Variants in CLNK observed in about 807,000 individuals in gnomAD.
CLNK encodes the protein cytokine dependent hematopoietic cell linker.
Under a neutral mutation model 68.6 loss-of-function variants are expected in CLNK, and 74 were observed. That is an observed-to-expected ratio of 1.08 (90% confidence interval 0.89 to 1.31). The LOEUF is 1.31. Among genes scored for constraint, CLNK ranks in the 50% most tolerant of loss-of-function variants. The probability of loss-of-function intolerance (pLI) is 0.00; values close to 1 mark genes in which losing one functional copy is unlikely to be tolerated. For synonymous variants in CLNK, 198 were observed against 172.2 expected (o/e 1.15, Z -1.17); for missense variants, 553 against 515.3 (o/e 1.07, Z -0.71).
intron 3 of CLNK, among the ~76,000 whole-genome samples, chr4:10,589,412 G>A (rs1165198167): frequency 2.0e-5 from 3 of 152,248 alleles, no homozygotes; most frequent in Non-Finnish European, 1.5e-5. Flanking sequence ...ATCTGATCCA[G>A]TCTACCTCTC....
At chr4:10,703,218 G>A in the CLNK span, among the ~76,000 whole-genome samples, 4 of 152,164 alleles carry the variant, frequency 2.6e-5, no homozygotes, top group Non-Finnish European at 5.9e-5. Flanking sequence ...GGAGTCACAG[G>A]CTAACTACAC....
intron 2 of CLNK, among the ~76,000 whole-genome samples, chr4:10,619,384 T>C (rs1197718528): frequency 6.6e-6 from 1 of 152,158 alleles, no homozygotes; most frequent in Admixed American, 6.5e-5. Context: ...TGAATATACA[T>C]CAATGGGAGA....
At chr4:10,499,595 T>C (rs749239064) in intron 18 of CLNK, among the ~76,000 whole-genome samples, 30 of 152,242 alleles carry the variant, frequency 2.0e-4, no homozygotes, top group Non-Finnish European at 4.0e-4. Flanking sequence ...TATTTTGTTA[T>C]CTGTTGAAGA....
chr4:10,683,759 T>C (rs1204963830), intron 1 of CLNK, among the ~76,000 whole-genome samples: 1 of 152,188 alleles, frequency 6.6e-6, no homozygotes, highest in Non-Finnish European at 1.5e-5. Context: ...AGCTCTACCA[T>C]CGTCTTCTTG....
intron 12 of CLNK, among the ~76,000 whole-genome samples, chr4:10,529,785 C>T (rs1718464840): frequency 6.6e-6 from 1 of 152,120 alleles, no homozygotes; most frequent in African/African-American, 2.4e-5. Context: ...CAGAGAAGCC[C>T]TCTATCTGGG....
At chr4:10,564,870 T>A (rs576400813) in intron 6 of CLNK, 93 bp from the exon 7 acceptor site, 118 of 780,146 alleles carry the variant, frequency 1.5e-4, no homozygotes, top group Non-Finnish European at 2.5e-4. Context: ...ACTCATTGGA[T>A]CATTACAACG....
intron 5 of CLNK, among the ~76,000 whole-genome samples, chr4:10,567,623 A>G (rs1720172573): frequency 6.6e-6 from 1 of 152,250 alleles, no homozygotes; most frequent in African/African-American, 2.4e-5. Flanking sequence ...AAAGACCACA[A>G]AAAATAAAAA....
intron 18 of CLNK, among the ~76,000 whole-genome samples, chr4:10,495,824 T>G (rs916194937): frequency 1.3e-5 from 2 of 150,390 alleles, no homozygotes; most frequent in African/African-American, 4.9e-5. Context: ...CACGTGACCA[T>G]AGAGAGAGAG....
chr4:10,592,196 T>C (rs1721204084), intron 3 of CLNK, among the ~76,000 whole-genome samples: 1 of 152,248 alleles, frequency 6.6e-6, no homozygotes, highest in Non-Finnish European at 1.5e-5. Context: ...TGAGTTTTTT[T>C]CCTTTCCTCA....
At chr4:10,720,559 T>C in the CLNK span, among the ~76,000 whole-genome samples, 1 of 151,548 alleles carries the variant, frequency 6.6e-6, no homozygotes, top group Non-Finnish European at 1.5e-5. Flanking sequence ...CCTATTAGAA[T>C]GACTTTAAAA....
chr4:10,546,275 C>T (rs879891331), intron 8 of CLNK, among the ~76,000 whole-genome samples: 1 of 152,176 alleles, frequency 6.6e-6, no homozygotes, highest in East Asian at 1.9e-4. Flanking sequence ...TTTCTCTGCT[C>T]TGAAATATCA....
At chr4:10,598,553 CTA>C in intron 2 of CLNK, 1 of 275,912 alleles carries the variant, frequency 3.6e-6, no homozygotes, top group South Asian at 3.1e-5. Context: ...GGAAGACAGA[CTA>C]TTTAGCAACA....
At chr4:10,621,888 T>G (rs1358969466) in intron 2 of CLNK, among the ~76,000 whole-genome samples, 3 of 152,208 alleles carry the variant, frequency 2.0e-5, no homozygotes, top group African/African-American at 7.2e-5. Flanking sequence ...TCCACAAATT[T>G]TCACAGTGGA....
Position 10,490,653 on chromosome 4 carries a change from CT to C in CLNK, c.1141-41del. ...AGAAAGTTAATGACTTTTAAAATAT[CT>C]TTTGTGTCTGTAGGTTAAAGTATAG... On this transcript the variant is annotated intron_variant, in intron 18 of 18. Transcript: ENST00000226951. 2.0e-6 allele frequency: 3 copies of C among 1,518,364 alleles called. No homozygotes were observed. The Middle Eastern group carries it at 5.7e-4, about 287-fold the overall frequency. The allele number at this position is 1,518,364 out of a possible 1,614,324, so 94.1% of individuals were successfully genotyped here.
At chr4:10,550,789 A>G (rs1172352614) in intron 8 of CLNK, among the ~76,000 whole-genome samples, 1 of 152,126 alleles carries the variant, frequency 6.6e-6, no homozygotes, top group Non-Finnish European at 1.5e-5. Flanking sequence ...TTCCTTTTCA[A>G]GTTGAGAACT....
chr4:10,528,158 C>G (rs563397920), intron 12 of CLNK, 64 bp from the exon 13 acceptor site: 1 of 786,886 alleles, frequency 1.3e-6, no homozygotes, highest in Non-Finnish European at 1.8e-6. Flanking sequence ...AATATAACAC[C>G]ATGTGTGTTT....
chr4:10,496,392 C>T (rs1488423874), intron 18 of CLNK, among the ~76,000 whole-genome samples: 1 of 152,108 alleles, frequency 6.6e-6, no homozygotes, highest in Non-Finnish European at 1.5e-5. Flanking sequence ...GTGATTCTTC[C>T]TCAGCAAGAC....
rs1196728672 is a variant in CLNK at position 10,501,304 on chromosome 4, C to T, written c.1092G>A (p.Leu364=). 6.2e-7 allele frequency: 1 copy of T among 1,606,618 alleles called. No homozygotes were observed. The highest frequency in any genetic ancestry group is 1.1e-5 in the South Asian group (1 of 89,510). The change falls in exon 18 of 19, where the codon CTG becomes CTA. Residue 364 remains leucine (L), a synonymous_variant. Coordinates refer to ENST00000226951, the MANE Select transcript of CLNK (RefSeq NM_052964.4). ...NKVYNVKIRF[L]ERNQQFALGT... is the part of the protein sequence containing the mutation. ...CCAGGGCAAACTGCTGATTCCTCTCCAGGAAGCGTATTTTTACATTGTAGA... is the reference window on the plus strand; with the variant it reads ...CCAGGGCAAACTGCTGATTCCTCTCTAGGAAGCGTATTTTTACATTGTAGA...
At chr4:10,728,386 G>GT in the CLNK span, among the ~76,000 whole-genome samples, 2 of 1,312 alleles carry the variant, frequency 1.5e-3, no homozygotes, top group Non-Finnish European at 0.011. Flanking sequence ...ATTCTAAAGA[G>GT]TGTGTGTGTG....
Sources: gnomAD v4.1 joint callset for allele counts (sites outside exome capture counted in the v4.1 genomes callset) on GRCh38, gnomAD v4.1.1 for gene constraint, MANE v1.5 for transcripts, NCBI Gene and HGNC (gene_info 2026-07-23, HGNC 2026-07-21) for gene names.